Variants in CAMTA1 observed in about 807,000 individuals in gnomAD.
CAMTA1 encodes calmodulin-binding transcription activator 1.
Under a neutral mutation model 170.9 loss-of-function variants are expected in CAMTA1, and 27 were observed. The observed-to-expected ratio is 0.16, with a 90% CI of 0.12 to 0.22. CAMTA1 has a LOEUF of 0.22. CAMTA1 is among the 10% of genes least tolerant of loss of function. The pLI, the probability that CAMTA1 is intolerant of heterozygous loss-of-function variation, is 1.00. For synonymous variants in CAMTA1, 833 were observed against 891.5 expected (o/e 0.93, Z 1.17); for missense variants, 1,619 against 2,217.2 (o/e 0.73, Z 5.42).
intron 3 of CAMTA1, among the ~76,000 whole-genome samples, chr1:7,089,644 C>T (rs1429030721): frequency 1.3e-5 from 2 of 149,752 alleles, no homozygotes; most frequent in Non-Finnish European, 3.0e-5. Flanking sequence ...TGCCTCAGGA[C>T]ACTGTTAAGT....
chr1:7,699,307 C>T (rs1425068517), intron 11 of CAMTA1, among the ~76,000 whole-genome samples: 2 of 152,152 alleles, frequency 1.3e-5, no homozygotes, highest in Non-Finnish European at 2.9e-5. Context: ...ACCACCCTCC[C>T]TAGGCAATTA....
At chr1:7,615,243 A>G (rs2095551317) in intron 6 of CAMTA1, among the ~76,000 whole-genome samples, 2 of 152,226 alleles carry the variant, frequency 1.3e-5, no homozygotes, top group African/African-American at 4.8e-5. Context: ...TCCCCATCCT[A>G]GCAGCAGCCT....
chr1:6,890,499 C>A (rs1252925926), intron 3 of CAMTA1, among the ~76,000 whole-genome samples: 2 of 151,948 alleles, frequency 1.3e-5, no homozygotes. Flanking sequence ...TTTGATAGGC[C>A]TTTGTTTCCC....
At chr1:7,183,609 A>G (rs1652662876) in intron 4 of CAMTA1, among the ~76,000 whole-genome samples, 1 of 152,216 alleles carries the variant, frequency 6.6e-6, no homozygotes, top group South Asian at 2.1e-4. Flanking sequence ...TGCATAATGC[A>G]TAGTACATGG....
intron 4 of CAMTA1, among the ~76,000 whole-genome samples, chr1:7,208,252 G>A (rs946098121): frequency 1.3e-5 from 2 of 152,140 alleles, no homozygotes; most frequent in Non-Finnish European, 2.9e-5. Flanking sequence ...CATGAAAGTT[G>A]GTTTGTTCTT....
intron 5 of CAMTA1, among the ~76,000 whole-genome samples, chr1:7,385,814 C>T (rs1270490724): frequency 6.6e-6 from 1 of 152,234 alleles, no homozygotes; most frequent in Non-Finnish European, 1.5e-5. Context: ...CCACATTTGG[C>T]CTCCCAGCAC....
At chr1:6,871,121 CA>C (rs1210139338) in intron 3 of CAMTA1, among the ~76,000 whole-genome samples, 7 of 152,032 alleles carry the variant, frequency 4.6e-5, no homozygotes, top group Non-Finnish European at 7.4e-5. Context: ...AAAAACAAAA[CA>C]AAAAACCCTT....
chr1:7,112,073 G>C (rs1298211428), intron 4 of CAMTA1, among the ~76,000 whole-genome samples: 1 of 151,908 alleles, frequency 6.6e-6, no homozygotes, highest in Non-Finnish European at 1.5e-5. Context: ...AGGGGGTGTT[G>C]GTATCTTATT....
intron 3 of CAMTA1, among the ~76,000 whole-genome samples, chr1:6,897,193 C>T (rs1048364664): frequency 2.6e-5 from 4 of 152,116 alleles, no homozygotes; most frequent in African/African-American, 4.8e-5. Context: ...TGAGCACAGG[C>T]AGAGTCAGGA....
At chr1:7,423,292 G>A (rs1575236211) in intron 5 of CAMTA1, among the ~76,000 whole-genome samples, 2 of 152,126 alleles carry the variant, frequency 1.3e-5, no homozygotes, top group South Asian at 2.1e-4. Context: ...CCAACATAGC[G>A]AAACCGCGTC....
At chr1:7,262,111 T>C (rs1668264025) in intron 5 of CAMTA1, among the ~76,000 whole-genome samples, 1 of 152,198 alleles carries the variant, frequency 6.6e-6, no homozygotes. Flanking sequence ...CATAATGCCA[T>C]ATTAAGTTTA....
rs1557793785 is a variant in CAMTA1, at chr1:6,902,079, A to AAGAAAAAAT, written c.234+76870_234+76871insGAAAAAATA. The stretch of plus-strand genomic sequence containing the variant: ...CACACACACACACACACACAAAAAA[A>AAGAAAAAAT]AAAATAAAAATAAAAACTCGTACTG... On this transcript the variant is annotated intron_variant, in intron 3 of 22. Coordinates refer to ENST00000303635, the MANE Select transcript of CAMTA1 (RefSeq NM_015215.4). Among the ~76,000 whole-genome samples the AAGAAAAAAT allele has an allele frequency of 9.0e-3, 675 of 75,216 alleles. 3 individuals carry two copies. The highest frequency in any genetic ancestry group is 0.024 in the African/African-American group (635 of 26,336). 49.3% of individuals were successfully genotyped at this position (75,216 alleles called of 152,430 possible).
At chr1:7,256,774 C>A (rs1036472811) in intron 5 of CAMTA1, among the ~76,000 whole-genome samples, 2 of 151,852 alleles carry the variant, frequency 1.3e-5, no homozygotes, top group East Asian at 3.9e-4. Flanking sequence ...AAGGTGCAGG[C>A]GGATTTGGTG....
At chr1:7,616,468 G>A (rs1316040381) in intron 6 of CAMTA1, among the ~76,000 whole-genome samples, 2 of 152,210 alleles carry the variant, frequency 1.3e-5, no homozygotes, top group Admixed American at 1.3e-4. Flanking sequence ...AAATGCCTCC[G>A]AACCGGTCAG....
chr1:7,325,750 T>C lies in CAMTA1; in HGVS notation c.438+76124T>C, dbSNP rs1403724213. Among the ~76,000 whole-genome samples the C allele has an allele frequency of 5.3e-5, 8 of 152,216 alleles. No homozygotes were observed. The highest frequency in any genetic ancestry group is 1.0e-4 in the Non-Finnish European group (7 of 68,038). ...AAGCATGGGAGATCTGCTGTGGACA[T>C]ACTGCATTTGAGATGCCTCAAAAAT... On this transcript the variant is annotated intron_variant, in intron 5 of 22. Transcript: ENST00000303635. This position sits in a 1 kb window ranked among gnomAD's most constrained non-coding sequence, Gnocchi z 5.0.
intron 3 of CAMTA1, among the ~76,000 whole-genome samples, chr1:6,851,980 C>G (rs1241161720): frequency 6.7e-6 from 1 of 149,468 alleles, no homozygotes; most frequent in Non-Finnish European, 1.5e-5. Flanking sequence ...CACCAAAGTA[C>G]TCCAGCCTAG....
intron 5 of CAMTA1, among the ~76,000 whole-genome samples, chr1:7,403,223 G>A (rs996046889): frequency 2.0e-5 from 3 of 152,028 alleles, no homozygotes; most frequent in Non-Finnish European, 4.4e-5. Flanking sequence ...GCGTGATGAC[G>A]GGTGCCTGTA....
intron 1 of CAMTA1, among the ~76,000 whole-genome samples, chr1:6,816,590 CCTG>C (rs1414841725): frequency 6.6e-6 from 1 of 152,174 alleles, no homozygotes; most frequent in Non-Finnish European, 1.5e-5. Context: ...TGCTTGAAGA[CCTG>C]CTTCTGAGGA....
At chr1:7,548,582 T>G (rs112096707) in intron 6 of CAMTA1, among the ~76,000 whole-genome samples, 5,571 of 103,442 alleles carry the variant, frequency 0.054, 391 homozygotes, top group African/African-American at 0.19. Flanking sequence ...GGTGCTGGTG[T>G]AGGGTGTCCC....
Sources: allele counts gnomAD v4.1 joint callset (sites outside exome capture counted in the v4.1 genomes callset), GRCh38; gene constraint gnomAD v4.1.1; non-coding constraint Gnocchi (gnomAD v3.1); transcripts MANE v1.5; gene names NCBI Gene and HGNC (gene_info 2026-07-23, HGNC 2026-07-21).